KCNH5: variants seen among roughly 807,000 people sequenced by gnomAD.
KCNH5 encodes the protein voltage-gated delayed rectifier potassium channel KCNH5.
In KCNH5, 46 loss-of-function variants were observed where a neutral mutation model predicts 96.1. The ratio of observed to expected loss-of-function variants is 0.48; its 90% CI spans 0.38 to 0.61. The LOEUF (loss-of-function observed/expected upper bound fraction) is 0.61. Among genes scored for constraint, KCNH5 ranks in the 20% least tolerant of loss-of-function variants. The pLI, the probability that KCNH5 is intolerant of heterozygous loss-of-function variation, is 0.00. For missense variants in KCNH5, 907 were observed against 1,225.8 expected, an observed-to-expected ratio of 0.74 and a Z score of 3.88; for synonymous variants, 439 against 449.8, an observed-to-expected ratio of 0.98 and a Z score of 0.30.
chr14:62,846,085 T>C (rs1887684614), intron 8 of KCNH5, among the ~76,000 whole-genome samples: 1 of 152,242 alleles, frequency 6.6e-6, no homozygotes, highest in South Asian at 2.1e-4. Context: ...TTTGCTAAGA[T>C]TGGGCATCAT....
chr14:62,728,279 T>C (rs918816153), intron 10 of KCNH5, among the ~76,000 whole-genome samples: 2 of 150,646 alleles, frequency 1.3e-5, no homozygotes, highest in African/African-American at 4.9e-5. Context: ...CCCAGCTACT[T>C]GTGAGGCTGA....
intron 7 of KCNH5, among the ~76,000 whole-genome samples, chr14:62,899,788 C>T (rs1888887792): frequency 6.7e-6 from 1 of 150,172 alleles, no homozygotes; most frequent in Admixed American, 6.6e-5. Flanking sequence ...GAGCCGAGAT[C>T]CCGCCACTGC....
intron 10 of KCNH5, chr14:62,712,429 A>G: frequency 3.6e-6 from 2 of 562,868 alleles, no homozygotes; most frequent in East Asian, 3.0e-5. Context: ...TCTCTACTGT[A>G]GGACACAGGT....
chr14:63,038,408 T>C (rs912422125), intron 1 of KCNH5, among the ~76,000 whole-genome samples: 1 of 152,212 alleles, frequency 6.6e-6, no homozygotes, highest in Non-Finnish European at 1.5e-5. Context: ...GTTATGATTA[T>C]GCACATAAGC....
intron 9 of KCNH5, among the ~76,000 whole-genome samples, chr14:62,783,863 A>G (rs1886268116): frequency 6.6e-6 from 1 of 151,192 alleles, no homozygotes; most frequent in Non-Finnish European, 1.5e-5. Context: ...GGTTACAACT[A>G]TAACAAAATA....
intron 9 of KCNH5, among the ~76,000 whole-genome samples, chr14:62,797,561 T>TATAA (rs1886566166): frequency 6.6e-6 from 1 of 152,162 alleles, no homozygotes; most frequent in South Asian, 2.1e-4. Flanking sequence ...CAGGAAGAAA[T>TATAA]ATAACTACAG....
At chr14:62,917,052 T>A (rs922053798) in intron 7 of KCNH5, among the ~76,000 whole-genome samples, 3 of 152,200 alleles carry the variant, frequency 2.0e-5, no homozygotes, top group Non-Finnish European at 4.4e-5. Context: ...GATATTGGAA[T>A]ACAAACTAAC....
intron 7 of KCNH5, among the ~76,000 whole-genome samples, chr14:62,924,710 C>T (rs1204562535): frequency 6.6e-6 from 1 of 151,662 alleles, no homozygotes; most frequent in African/African-American, 2.4e-5. Flanking sequence ...TGAAACAAGC[C>T]AGGCACAGAA....
At chr14:63,025,463 T>C (rs1007035957) in intron 1 of KCNH5, among the ~76,000 whole-genome samples, 1 of 151,992 alleles carries the variant, frequency 6.6e-6, no homozygotes, top group African/African-American at 2.4e-5. Context: ...TGATCTTATA[T>C]GTAGAAAAAA....
intron 10 of KCNH5, among the ~76,000 whole-genome samples, chr14:62,737,183 A>G (rs966715528): frequency 2.0e-5 from 3 of 152,186 alleles, no homozygotes; most frequent in Non-Finnish European, 4.4e-5. Context: ...AATAGATTAT[A>G]CATTTTACTT....
intron 10 of KCNH5, among the ~76,000 whole-genome samples, chr14:62,743,478 G>C (rs1483577767): frequency 6.6e-6 from 1 of 152,058 alleles, no homozygotes; most frequent in African/African-American, 2.4e-5. Context: ...TTTTATTCTT[G>C]CCTTATTTAG....
chr14:62,895,334 CTT>C (rs113031928), intron 7 of KCNH5, among the ~76,000 whole-genome samples: 4 of 144,574 alleles, frequency 2.8e-5, no homozygotes, highest in Admixed American at 6.9e-5. Context: ...AGCATCATGA[CTT>C]TTTTTTTTTT....
At chr14:62,882,281 A>G in intron 7 of KCNH5, among the ~76,000 whole-genome samples, 1 of 152,026 alleles carries the variant, frequency 6.6e-6, no homozygotes, top group East Asian at 1.9e-4. Flanking sequence ...AAAGAAAGAA[A>G]AAACTGAAAA....
At chr14:62,898,447 G>A (rs1309317056) in intron 7 of KCNH5, among the ~76,000 whole-genome samples, 1 of 151,958 alleles carries the variant, frequency 6.6e-6, no homozygotes, top group East Asian at 1.9e-4. Context: ...AATAGTAAAC[G>A]AGAAAAAAGT....
At chr14:62,772,955 T>C (rs1886022038) in intron 10 of KCNH5, among the ~76,000 whole-genome samples, 1 of 152,234 alleles carries the variant, frequency 6.6e-6, no homozygotes, top group Non-Finnish European at 1.5e-5. Context: ...TTGCTTGTTT[T>C]GTTTTGGCTT....
At chr14:63,001,789 C>T (rs1891015859) in intron 3 of KCNH5, among the ~76,000 whole-genome samples, 1 of 152,224 alleles carries the variant, frequency 6.6e-6, no homozygotes, top group Non-Finnish European at 1.5e-5. Flanking sequence ...GGTCCCTCAA[C>T]CACTGCTGCT....
intron 8 of KCNH5, among the ~76,000 whole-genome samples, chr14:62,811,792 G>A (rs1347370979): frequency 6.6e-6 from 1 of 152,002 alleles, no homozygotes; most frequent in African/African-American, 2.4e-5. Flanking sequence ...AAGCTTCGCT[G>A]GAAAGGCAGA....
At chr14:62,778,187 G>A (rs1595618054) in intron 10 of KCNH5, among the ~76,000 whole-genome samples, 1 of 152,100 alleles carries the variant, frequency 6.6e-6, no homozygotes, top group Admixed American at 6.6e-5. Flanking sequence ...CTCGGTATAC[G>A]AGGGGGACTG....
At chr14:62,738,806 A>G (rs868059168) in intron 10 of KCNH5, among the ~76,000 whole-genome samples, 4 of 152,174 alleles carry the variant, frequency 2.6e-5, no homozygotes, top group African/African-American at 2.4e-5. Context: ...AGTTAGAAAT[A>G]TACAGTCATA....
Sources: gnomAD v4.1 joint callset for allele counts (sites outside exome capture counted in the v4.1 genomes callset) on GRCh38, gnomAD v4.1.1 for gene constraint, MANE v1.5 for transcripts, NCBI Gene and HGNC (gene_info 2026-07-23, HGNC 2026-07-21) for gene names.